Variants in ZC4H2 observed in about 807,000 individuals in gnomAD.
The protein encoded by ZC4H2 is zinc finger C4H2-type containing.
For missense variants in ZC4H2, 137 were observed against 173.9 expected (o/e 0.79, Z 1.19); for synonymous variants, 84 against 66.3 (o/e 1.27, Z -1.30).
At chrX:64,961,426 T>C (rs1248097482) in intron 1 of ZC4H2, among the ~76,000 whole-genome samples, 4 of 111,473 alleles carry the variant, frequency 3.6e-5, no homozygotes, top group African/African-American at 1.3e-4. Flanking sequence ...GACTTTTTAT[T>C]TGAATCTTTT....
intron 1 of ZC4H2, among the ~76,000 whole-genome samples, chrX:65,026,904 T>C (rs1266496892): frequency 9.0e-6 from 1 of 111,454 alleles, no homozygotes; most frequent in Non-Finnish European, 1.9e-5. Context: ...ATTTTCTTTT[T>C]CCCCAGACCA....
chrX:64,920,279 A>G (rs1345592229), intron 2 of ZC4H2, 26 bp from the exon 3 acceptor site: 4 of 1,195,967 alleles, frequency 3.3e-6, no homozygotes, highest in South Asian at 1.8e-5. Context: ...GGATAGGCAC[A>G]GAGAAAAGAT....
chrX:64,922,112 G>A, intron 1 of ZC4H2, 124 bp from the exon 2 acceptor site: 3 of 1,098,062 alleles, frequency 2.7e-6, no homozygotes, highest in South Asian at 2.4e-5. Context: ...CCAACCTGAG[G>A]CCATCTCAAA....
chrX:64,961,983 C>T lies in ZC4H2; in HGVS notation c.53+14342G>A, dbSNP rs1285938214. ...GGCTTCACTGGTGGCTTCTGACAGA[C>T]ACTTAAAGAAGAGTTAATGCCAATC... On this transcript the variant is annotated intron_variant, in intron 1 of 4. Transcript: ENST00000374839. Among the ~76,000 whole-genome samples, 3 of 111,381 alleles carry T rather than the reference C, an allele frequency of 2.7e-5. No individual in the cohort carries two copies. The Admixed American group carries it at 2.9e-4, about 11-fold the overall frequency.
upstream of ZC4H2, among the ~76,000 whole-genome samples, chrX:64,980,905 C>T (rs1384370439): frequency 9.1e-6 from 1 of 110,075 alleles, no homozygotes; most frequent in Non-Finnish European, 1.9e-5. Flanking sequence ...GGGAGATAAG[C>T]CCATAAGACA....
chrX:65,009,255 T>A (rs1468936536), intron 1 of ZC4H2, among the ~76,000 whole-genome samples: 1 of 111,861 alleles, frequency 8.9e-6, no homozygotes, highest in African/African-American at 3.3e-5. Context: ...CACAGCTGCC[T>A]GCCACACGGA....
intron 1 of ZC4H2, among the ~76,000 whole-genome samples, chrX:64,948,417 A>ATT (rs755398677): frequency 9.1e-6 from 1 of 110,450 alleles, no homozygotes; most frequent in Non-Finnish European, 1.9e-5. Context: ...TTTGTTTCAC[A>ATT]TTTTTTTTTG....
At chrX:65,032,296 T>C (rs937489735) in intron 1 of ZC4H2, among the ~76,000 whole-genome samples, 3 of 112,368 alleles carry the variant, frequency 2.7e-5, no homozygotes, top group Non-Finnish European at 3.8e-5. Flanking sequence ...GTTCAATAAG[T>C]GAACAGAGAA....
chrX:64,920,098 C>T lies in ZC4H2; in HGVS notation c.381G>A (p.Glu127=). Residue 127 remains glutamate, a synonymous_variant, in exon 3 of 5, where the codon GAG becomes GAA. Transcript: ENST00000374839. ...TAGCTTACTCCAAGGAAAGCTTCTCCTCTTCTTCACACAAGTCAGGGAGCC... is the reference window on the plus strand; with the variant it reads ...TAGCTTACTCCAAGGAAAGCTTCTCTTCTTCTTCACACAAGTCAGGGAGCC... The part of the protein sequence containing the change: ...LQRLPDLCEE[E]EKLSLDYFEK... 8.3e-7 allele frequency: 1 copy of T among 1,210,207 alleles called. No homozygotes were observed. Among genetic ancestry groups the T allele is most frequent in the Non-Finnish European group, 1.1e-6 (1 of 894,994 alleles).
At chrX:64,989,093 C>A in intron 1 of ZC4H2, among the ~76,000 whole-genome samples, 1 of 111,901 alleles carries the variant, frequency 8.9e-6, no homozygotes, top group Non-Finnish European at 1.9e-5. Context: ...TGTTTTGGTA[C>A]CAGTACCATG....
chrX:64,976,174 G>T (rs1173980048), intron 1 of ZC4H2, 151 bp downstream of exon 1: 3 of 583,159 alleles, frequency 5.1e-6, no homozygotes, highest in African/African-American at 4.5e-5. Context: ...ACTCTCCTCA[G>T]CGCCCCTCCC....
intron 1 of ZC4H2, among the ~76,000 whole-genome samples, chrX:65,000,487 C>T (rs1031384776): frequency 3.6e-5 from 4 of 111,920 alleles, no homozygotes; most frequent in Admixed American, 9.5e-5. Flanking sequence ...GAAACACCAG[C>T]GCAAAAAGTC....
upstream of ZC4H2, among the ~76,000 whole-genome samples, chrX:64,980,333 C>T (rs770840181): frequency 1.8e-5 from 2 of 111,567 alleles, no homozygotes; most frequent in South Asian, 7.5e-4. Context: ...ATAGTTATAC[C>T]TAGCAATCAG....
chrX:64,944,131 TTTC>T (rs1454643127), intron 1 of ZC4H2, among the ~76,000 whole-genome samples: 3 of 103,862 alleles, frequency 2.9e-5, no homozygotes, highest in Admixed American at 1.0e-4. Context: ...TTAAAATTTT[TTTC>T]TTTTTTCTTT....
intron 1 of ZC4H2, among the ~76,000 whole-genome samples, chrX:64,928,781 T>C (rs2147358201): frequency 2.0e-5 from 2 of 102,302 alleles, no homozygotes; most frequent in African/African-American, 7.3e-5. Context: ...CTTCTTCTCT[T>C]CTTCTTCTTT....
intron 1 of ZC4H2, among the ~76,000 whole-genome samples, chrX:65,032,734 TTTCCTTCC>T (rs59235733): frequency 3.2e-3 from 279 of 86,792 alleles, no homozygotes; most frequent in Middle Eastern, 0.016. Flanking sequence ...TTCTTCTTTC[TTTCCTTCC>T]TTCCTTCCTT....
At chrX:64,990,212 A>C (rs1404424684) in intron 1 of ZC4H2, among the ~76,000 whole-genome samples, 1 of 112,362 alleles carries the variant, frequency 8.9e-6, no homozygotes, top group Non-Finnish European at 1.9e-5. Flanking sequence ...AAAACTATTG[A>C]TACATCTGTG....
chrX:65,024,912 G>A (rs1308196412), intron 1 of ZC4H2, among the ~76,000 whole-genome samples: 1 of 111,057 alleles, frequency 9.0e-6, no homozygotes, highest in African/African-American at 3.3e-5. Context: ...AACGAGAGGG[G>A]CTTGGGTTGA....
intron 1 of ZC4H2, among the ~76,000 whole-genome samples, chrX:65,009,298 G>A (rs758840618): frequency 3.6e-5 from 4 of 110,934 alleles, no homozygotes; most frequent in South Asian, 7.8e-4. Context: ...CTGCTACTGT[G>A]CTAAGACCTG....
Sources: allele counts gnomAD v4.1 joint callset (sites outside exome capture counted in the v4.1 genomes callset), GRCh38; gene constraint gnomAD v4.1.1; transcripts MANE v1.5; gene names NCBI Gene and HGNC (gene_info 2026-07-23, HGNC 2026-07-21).